DOCK5: variants seen among roughly 807,000 people sequenced by gnomAD.
DOCK5 encodes the protein dedicator of cytokinesis protein 5.
In DOCK5, 142 loss-of-function variants were observed where a neutral mutation model predicts 251.8. The ratio of observed to expected loss-of-function variants is 0.56; its 90% CI spans 0.49 to 0.65. The LOEUF is 0.65. Ranked by LOEUF, DOCK5 falls within the 30% of genes least tolerant of loss-of-function variation. The probability of loss-of-function intolerance (pLI) is 0.00; values close to 1 mark genes in which losing one functional copy is unlikely to be tolerated. For missense variants in DOCK5, 2,111 were observed against 2,312.3 expected (o/e 0.91, Z 1.79); for synonymous variants, 842 against 835.5 (o/e 1.01, Z -0.13).
intron 18 of DOCK5, among the ~76,000 whole-genome samples, chr8:25,331,718 T>G (rs751081571): frequency 6.6e-5 from 10 of 151,322 alleles, no homozygotes; most frequent in Non-Finnish European, 1.0e-4. Context: ...AAGCCTCAGT[T>G]TCCTCATCTA....
At chr8:25,378,716 G>A (rs558760821) in intron 38 of DOCK5, among the ~76,000 whole-genome samples, 1 of 152,310 alleles carries the variant, frequency 6.6e-6, no homozygotes, top group South Asian at 2.1e-4. Flanking sequence ...ATGCTCGGAG[G>A]CATTTCCTAA....
intron 22 of DOCK5, among the ~76,000 whole-genome samples, chr8:25,339,644 A>C (rs1805901522): frequency 6.6e-6 from 1 of 152,196 alleles, no homozygotes; most frequent in South Asian, 2.1e-4. Flanking sequence ...GACCTGCCCC[A>C]GGCAGGGACC....
intron 45 of DOCK5, among the ~76,000 whole-genome samples, chr8:25,396,173 A>C (rs1333415272): frequency 6.6e-6 from 1 of 152,142 alleles, no homozygotes; most frequent in African/African-American, 2.4e-5. Context: ...TGAGGTCAGG[A>C]GCGCGAGACC....
intron 46 of DOCK5, 110 bp downstream of exon 46, chr8:25,400,104 T>A (rs1339016698): frequency 1.2e-6 from 1 of 860,018 alleles, no homozygotes; most frequent in East Asian, 2.7e-5. Flanking sequence ...TCTTTCTTTT[T>A]TTAACCCTTG....
chr8:25,383,147 A>C (rs947348902), intron 40 of DOCK5, among the ~76,000 whole-genome samples: 1 of 152,216 alleles, frequency 6.6e-6, no homozygotes, highest in Non-Finnish European at 1.5e-5. Flanking sequence ...ACCAGACTGC[A>C]GGAGTATCCC....
rs1804265247 is a variant in DOCK5, at chr8:25,283,735, C to G, written c.321+5070C>G. ...ATCTTAGGCAAAGTGGCCTTGAGCA[C>G]TCAGCAGCCAAGCTAAATTTCTCAC... is the stretch of plus-strand genomic sequence containing the variant. On this transcript the variant is annotated intron_variant, in intron 5 of 51. Coordinates refer to ENST00000276440, the MANE Select transcript of DOCK5 (RefSeq NM_024940.8). Among the ~76,000 whole-genome samples, 7 of 152,202 alleles carry G rather than the reference C, an allele frequency of 4.6e-5. No homozygotes were observed. In the South Asian group the frequency reaches 1.4e-3, roughly 31 times the overall value.
rs755511798 is a variant in DOCK5 at position 25,190,775 on chromosome 8, G to GTTTTTTTTTTTTTTTTTTTTTT, written c.43+5824_43+5825insTTTTTTTTTTTTTTTTTTTTTT. On this transcript the variant is annotated intron_variant, in intron 1 of 51. Coordinates refer to ENST00000276440, the MANE Select transcript of DOCK5 (RefSeq NM_024940.8). ...AAGGCCTGGCCTTAACTTGGTCATG[G>GTTTTTTTTTTTTTTTTTTTTTT]GTTTTTTTTTTTTTTTTTTTTTTTT... Among the ~76,000 whole-genome samples, 48 of 53,976 alleles carry GTTTTTTTTTTTTTTTTTTTTTT rather than the reference G, an allele frequency of 8.9e-4. 15 individuals carry two copies. The highest frequency in any genetic ancestry group is 1.2e-3 in the Non-Finnish European group (36 of 30,056). The allele number at this position is 53,976 out of a possible 152,430, so 35.4% of individuals were successfully genotyped here.
chr8:25,277,374 A>T (rs1299156178), intron 4 of DOCK5: 3 of 152,796 alleles, frequency 2.0e-5, no homozygotes, highest in Non-Finnish European at 4.4e-5. Context: ...ACTAACAACC[A>T]ATCATCAGAA....
Position 25,296,538 on chromosome 8 carries a change from C to A in DOCK5, c.496C>A (p.Arg166=). 1 of 1,610,542 alleles carries A rather than the reference C, an allele frequency of 6.2e-7. No homozygotes were observed. Among genetic ancestry groups the A allele is most frequent in the Non-Finnish European group, 8.5e-7 (1 of 1,178,502 alleles). The change falls in exon 7 of 52, where the codon CGA becomes AGA. Residue 166 remains arginine, a synonymous_variant. Transcript: ENST00000276440. ...NRMLGLDLVV[R]DDNGNILDPD... The stretch of plus-strand genomic sequence containing the variant: ...AATGCTGGGGTTAGATCTGGTGGTG[C>A]GAGATGACAATGGGAACATCCTAGA...
At position 25,325,402 on chromosome 8, in the gene DOCK5, G is replaced by T; in HGVS notation, c.1758G>T (p.Leu586=). The change falls in exon 18 of 52, where the codon CTG becomes CTT. Residue 586 remains leucine (L), a synonymous_variant. Transcript: ENST00000276440. The stretch of plus-strand genomic sequence containing the variant: ...AAATGGAAGATGCTAAATTCTACCT[G>T]ACCCTGCCTGGAACCAAGATGGAGA... ...NKKMEDAKFY[L]TLPGTKMEME... is the part of the protein sequence containing the mutation. 6.2e-7 allele frequency: 1 copy of T among 1,613,938 alleles called. No individual in the cohort carries two copies. The highest frequency in any genetic ancestry group is 8.5e-7 in the Non-Finnish European group (1 of 1,179,868).
At chr8:25,299,583 T>G (rs1251294045) in intron 8 of DOCK5, 2 of 152,448 alleles carry the variant, frequency 1.3e-5, no homozygotes. Flanking sequence ...TTAACTAATG[T>G]TACTACTATG....
intron 6 of DOCK5, among the ~76,000 whole-genome samples, chr8:25,296,108 C>T (rs572332394): frequency 2.0e-5 from 3 of 152,178 alleles, no homozygotes; most frequent in Non-Finnish European, 4.4e-5. Context: ...ACGTGAACCA[C>T]GACGCCTGGC....
intron 13 of DOCK5, among the ~76,000 whole-genome samples, chr8:25,315,695 A>G (rs1192455900): frequency 6.6e-6 from 1 of 152,254 alleles, no homozygotes; most frequent in Non-Finnish European, 1.5e-5. Flanking sequence ...CTTTGAGACA[A>G]ATATTACCAG....
intron 5 of DOCK5, among the ~76,000 whole-genome samples, chr8:25,291,575 C>CCTGAAT (rs1804487778): frequency 6.6e-6 from 1 of 150,912 alleles, no homozygotes; most frequent in Non-Finnish European, 1.5e-5. Flanking sequence ...CCCAGCTATT[C>CCTGAAT]AGGAGGCTGA....
At chr8:25,308,714 A>T (rs941399821) in intron 11 of DOCK5, 69 bp from the exon 12 acceptor site, 21 of 1,558,036 alleles carry the variant, frequency 1.3e-5, no homozygotes, top group Non-Finnish European at 1.5e-5. Context: ...ACTCACCATT[A>T]TCTGAGGTTG....
intron 1 of DOCK5, 78 bp downstream of exon 1, chr8:25,185,029 A>C (rs1226075759): frequency 3.2e-5 from 41 of 1,266,768 alleles, no homozygotes; most frequent in Admixed American, 4.1e-5. Context: ...AGGTTTGCGC[A>C]GAGCCCGGCG....
At chr8:25,304,224 G>A in intron 10 of DOCK5, 31 bp from the exon 11 acceptor site, 1 of 1,554,464 alleles carries the variant, frequency 6.4e-7, no homozygotes, top group African/African-American at 1.4e-5. Context: ...GAAGCAATTA[G>A]TTTCTTTAAT....
intron 35 of DOCK5, among the ~76,000 whole-genome samples, chr8:25,373,184 GA>G (rs1203783438): frequency 6.6e-6 from 1 of 152,024 alleles, no homozygotes; most frequent in Non-Finnish European, 1.5e-5. Flanking sequence ...ATTTTTAGTA[GA>G]AACAGAGTTT....
At chr8:25,324,099 G>T (rs1006406355) in intron 17 of DOCK5, 148 bp downstream of exon 17, 2 of 894,358 alleles carry the variant, frequency 2.2e-6, no homozygotes, top group African/African-American at 3.4e-5. Flanking sequence ...GAGGGCTCTG[G>T]GCCCTCCAGC....
Sources: allele counts gnomAD v4.1 joint callset (sites outside exome capture counted in the v4.1 genomes callset), GRCh38; gene constraint gnomAD v4.1.1; transcripts MANE v1.5; gene names NCBI Gene and HGNC (gene_info 2026-07-23, HGNC 2026-07-21).